The following SV2C variants were observed in gnomAD, a reference collection of about 807,000 sequenced individuals.
SV2C encodes the protein solute carrier family 22 member B3.
A neutral mutation model predicts 79.7 loss-of-function variants in SV2C; 49 were observed. The ratio of observed to expected loss-of-function variants is 0.61; its 90% CI spans 0.49 to 0.78. The LOEUF is 0.78. Among genes scored for constraint, SV2C ranks in the 30% least tolerant of loss-of-function variants. The pLI, the probability that SV2C is intolerant of heterozygous loss-of-function variation, is 0.00. For missense variants in SV2C, 833 were observed against 912.9 expected, an observed-to-expected ratio of 0.91 and a Z score of 1.13; for synonymous variants, 334 against 333.2, an observed-to-expected ratio of 1.00 and a Z score of -0.03.
chr5:76,291,876 T>C lies in SV2C; in HGVS notation c.1337+20T>C, dbSNP rs1237825944. On this transcript the variant is annotated intron_variant, in intron 8 of 12. Coordinates refer to ENST00000502798, the MANE Select transcript of SV2C (RefSeq NM_014979.4). ...CTTTGGGTAAGTGATATTTAAATTC[T>C]TGGCAAGCAAAATCGTTCAATGTCC... is the stretch of plus-strand genomic sequence containing the variant. 6.4e-7 allele frequency: 1 copy of C among 1,569,128 alleles called. No individual in the cohort carries two copies. The highest frequency in any genetic ancestry group is 1.3e-5 in the African/African-American group (1 of 74,106).
chr5:76,091,221 A>G (rs956350520), intron 1 of SV2C, among the ~76,000 whole-genome samples: 2 of 152,260 alleles, frequency 1.3e-5, no homozygotes. Flanking sequence ...GCATCCAATT[A>G]AATCTGCAAC....
At position 76,291,332 on chromosome 5, in the gene SV2C, G is replaced by A; in HGVS notation, c.1248+1G>A. The A allele has an allele frequency of 6.3e-7, 1 of 1,589,846 alleles. No homozygotes were observed. Among genetic ancestry groups the A allele is most frequent in the Non-Finnish European group, 8.5e-7 (1 of 1,170,228 alleles). ...TCGGATCCGCACCGAGCTGTACGGAGTAAGTAACAAGTCCCATGATGACCT... is the reference window on the plus strand; with the variant it reads ...TCGGATCCGCACCGAGCTGTACGGAATAAGTAACAAGTCCCATGATGACCT... On this transcript the variant is annotated splice_donor_variant, in intron 7 of 12. Transcript: ENST00000502798. LOFTEE classifies it high-confidence loss of function.
the SV2C span, among the ~76,000 whole-genome samples, chr5:75,852,762 C>A: frequency 2.4e-4 from 35 of 146,584 alleles, no homozygotes; most frequent in African/African-American, 9.0e-4. Flanking sequence ...GGAGGCGGAG[C>A]TTGCAGTGAG....
chr5:76,181,565 G>T (rs1005841959), intron 2 of SV2C, among the ~76,000 whole-genome samples: 2 of 152,152 alleles, frequency 1.3e-5, no homozygotes, highest in Admixed American at 6.5e-5. Flanking sequence ...AAGGTGAAGG[G>T]CAAGCAAGCA....
intron 12 of SV2C, among the ~76,000 whole-genome samples, chr5:76,346,528 AGGGAGAG>A (rs2112588875): frequency 6.6e-6 from 1 of 152,346 alleles, no homozygotes; most frequent in East Asian, 1.9e-4. Flanking sequence ...AGAAGGGAGA[AGGGAGAG>A]GTCTTAGCAA....
At chr5:75,862,643 G>T in the SV2C span, among the ~76,000 whole-genome samples, 2 of 152,192 alleles carry the variant, frequency 1.3e-5, no homozygotes, top group African/African-American at 4.8e-5. Flanking sequence ...CTTGCCTTTG[G>T]GTATTTTCAG....
chr5:75,880,803 C>G, the SV2C span, among the ~76,000 whole-genome samples: 6 of 152,178 alleles, frequency 3.9e-5, no homozygotes, highest in African/African-American at 1.4e-4. Flanking sequence ...TGCCCCACTT[C>G]TCAGTACCAA....
At chr5:76,258,366 A>C (rs1285833946) in intron 4 of SV2C, among the ~76,000 whole-genome samples, 1 of 152,106 alleles carries the variant, frequency 6.6e-6, no homozygotes, top group Admixed American at 6.5e-5. Flanking sequence ...AGGAGAAATT[A>C]ACCAGCTTTG....
At chr5:76,035,969 C>T in the SV2C span, among the ~76,000 whole-genome samples, 1 of 152,144 alleles carries the variant, frequency 6.6e-6, no homozygotes. Flanking sequence ...GTTAGCTCTT[C>T]TTGTTGAATT....
At chr5:76,081,184 T>C (rs1196281908), upstream of SV2C, among the ~76,000 whole-genome samples, 1 of 152,128 alleles carries the variant, frequency 6.6e-6, no homozygotes, top group Non-Finnish European at 1.5e-5. Context: ...ACGGACAAGA[T>C]AGGAGAATAA....
chr5:75,922,830 G>A, the SV2C span, among the ~76,000 whole-genome samples: 1 of 152,206 alleles, frequency 6.6e-6, no homozygotes, highest in Non-Finnish European at 1.5e-5. Context: ...AGCCACCAAA[G>A]AGAGCCACCT....
chr5:76,171,581 G>T (rs1405708019), intron 2 of SV2C, among the ~76,000 whole-genome samples: 2 of 143,230 alleles, frequency 1.4e-5, no homozygotes, highest in Non-Finnish European at 3.2e-5. Context: ...CGTCTCCGCC[G>T]GGCAGCCACC....
At chr5:76,234,089 C>G (rs948178881) in intron 4 of SV2C, among the ~76,000 whole-genome samples, 3 of 152,022 alleles carry the variant, frequency 2.0e-5, no homozygotes, top group African/African-American at 7.3e-5. Flanking sequence ...CTTAATATGT[C>G]ATGGATTTTT....
At chr5:76,318,190 C>G (rs975539826) in intron 12 of SV2C, among the ~76,000 whole-genome samples, 1 of 152,110 alleles carries the variant, frequency 6.6e-6, no homozygotes, top group Non-Finnish European at 1.5e-5. Context: ...GAGGCCGAGG[C>G]GGGCAGATCA....
At chr5:76,188,848 TG>T (rs1236389886) in intron 2 of SV2C, among the ~76,000 whole-genome samples, 1 of 152,102 alleles carries the variant, frequency 6.6e-6, no homozygotes, top group Non-Finnish European at 1.5e-5. Flanking sequence ...CAGCCTTCTA[TG>T]GACTCTGATG....
chr5:76,268,952 C>T lies in SV2C; in HGVS notation c.914-16210C>T, dbSNP rs563191339. Among the ~76,000 whole-genome samples the T allele has an allele frequency of 5.6e-4, 86 of 152,302 alleles. 1 individual carries two copies. The highest frequency in any genetic ancestry group is 5.0e-3 in the Admixed American group (77 of 15,310). ...TTCATGCAGGAATAAAAAGGGGTCT[C>T]CTAAAAGTCGGTTTTCACACCTCTG... On this transcript the variant is annotated intron_variant, in intron 4 of 12. Coordinates refer to ENST00000502798, the MANE Select transcript of SV2C (RefSeq NM_014979.4).
chr5:76,250,734 G>T (rs1364524391), intron 4 of SV2C, among the ~76,000 whole-genome samples: 1 of 152,194 alleles, frequency 6.6e-6, no homozygotes, highest in Non-Finnish European at 1.5e-5. Context: ...TGGCTATGCT[G>T]GCTCAGTACT....
chr5:76,014,978 C>T, the SV2C span, among the ~76,000 whole-genome samples: 4 of 152,058 alleles, frequency 2.6e-5, no homozygotes, highest in East Asian at 1.9e-4. Context: ...TCTTGGACAC[C>T]GTAGAAGACA....
intron 1 of SV2C, among the ~76,000 whole-genome samples, chr5:76,106,209 C>T (rs1051693516): frequency 2.0e-5 from 3 of 152,028 alleles, no homozygotes; most frequent in Non-Finnish European, 4.4e-5. Flanking sequence ...TCTTGTGTAC[C>T]GCATCAGGAA....
Sources: gnomAD v4.1 joint callset for allele counts (sites outside exome capture counted in the v4.1 genomes callset) on GRCh38, gnomAD v4.1.1 for gene constraint, MANE v1.5 for transcripts, NCBI Gene and HGNC (gene_info 2026-07-23, HGNC 2026-07-21) for gene names.